Variants in EFR3B observed in about 807,000 individuals in gnomAD.
The protein encoded by EFR3B is EFR3 homolog B.
EFR3B carries 64 observed loss-of-function variants against 104.7 expected under a neutral mutation model. The ratio of observed to expected loss-of-function variants is 0.61; its 90% CI spans 0.50 to 0.75. The LOEUF is 0.75. Ranked by LOEUF, EFR3B falls within the 30% of genes least tolerant of loss-of-function variation. EFR3B has a pLI of 0.00. For synonymous variants in EFR3B, 385 were observed against 417.9 expected, an observed-to-expected ratio of 0.92 and a Z score of 0.96; for missense variants, 750 against 1,078.5, an observed-to-expected ratio of 0.70 and a Z score of 4.27.
intron 1 of EFR3B, among the ~76,000 whole-genome samples, chr2:25,070,714 C>T (rs1668469677): frequency 6.6e-6 from 1 of 152,068 alleles, no homozygotes; most frequent in African/African-American, 2.4e-5. Context: ...CAGGAATGGG[C>T]CACTGTCAAT....
At position 25,128,273 on chromosome 2, in the gene EFR3B, C is replaced by T; in HGVS notation, c.576C>T (p.His192=). 1.3e-6 allele frequency: 2 copies of T among 1,551,836 alleles called. No individual in the cohort carries two copies. The highest frequency in any genetic ancestry group is 2.4e-5 in the East Asian group (1 of 40,924). Residue 192 remains histidine, a synonymous_variant, in exon 6 of 23, where the codon CAC becomes CAT. Transcript: ENST00000403714. ...AGGCCAATATCTGGGACCCACAGCA[C>T]ATGGATAAGATCGTTCCATCACTGC... ...ELQANIWDPQ[H]MDKIVPSLLF... is the part of the protein sequence containing the mutation.
At position 25,154,447 on chromosome 2, in the gene EFR3B, C is replaced by A; in HGVS notation, c.*107C>A. On this transcript the variant is annotated 3_prime_UTR_variant, in exon 23 of 23. Coordinates refer to ENST00000403714, the MANE Select transcript of EFR3B (RefSeq NM_014971.2). The surrounding 1 kb of genome is among the most constrained non-coding windows in gnomAD (Gnocchi z 4.1). ...GGCTGTGATCTCTGAGAAAACATCA[C>A]CTTAGATGGCAGCGCCTCCCAGGCT... is the stretch of plus-strand genomic sequence containing the variant. 1 of 1,070,980 alleles carries A rather than the reference C, an allele frequency of 9.3e-7. No individual in the cohort carries two copies. The highest frequency in any genetic ancestry group is 1.4e-6 in the Non-Finnish European group (1 of 734,456). The allele number at this position is 1,070,980 out of a possible 1,614,324, so 66.3% of individuals were successfully genotyped here.
chr2:25,124,851 G>T (rs1264706000), intron 5 of EFR3B, among the ~76,000 whole-genome samples: 4 of 151,518 alleles, frequency 2.6e-5, no homozygotes, highest in Non-Finnish European at 1.5e-5. Context: ...AAGGTCAGGA[G>T]TTCAAGACCA....
At chr2:25,094,838 G>A (rs1196609790) in intron 3 of EFR3B, among the ~76,000 whole-genome samples, 2 of 151,936 alleles carry the variant, frequency 1.3e-5, no homozygotes, top group East Asian at 3.8e-4. Flanking sequence ...TACCCAGACT[G>A]GAGTGCAGTG....
rs58106803 is a variant in EFR3B at position 25,134,177 on chromosome 2, ATT to A, written c.1311+761_1311+762del. On this transcript the variant is annotated intron_variant, in intron 12 of 22. Transcript: ENST00000403714. Reference sequence around the variant, plus strand: ...TATTTCACAGTAGGTCTCAGTTTATATTTTTTTTTTTTTTTTTTTGAGATGGA... The same window carrying A: ...TATTTCACAGTAGGTCTCAGTTTATATTTTTTTTTTTTTTTTTGAGATGGA... 4.1e-3 allele frequency among the ~76,000 whole-genome samples: 565 copies of A among 138,500 alleles called. 1 individual carries two copies. Among genetic ancestry groups the A allele is most frequent in the Non-Finnish European group, 5.8e-3 (357 of 61,386 alleles). 90.9% of individuals were successfully genotyped at this position (138,500 alleles called of 152,430 possible). A position where few individuals can be genotyped will look rare whatever the true frequency, so the allele number is the denominator to read the frequency against.
At chr2:25,054,342 G>A (rs182634598) in intron 1 of EFR3B, among the ~76,000 whole-genome samples, 34 of 150,738 alleles carry the variant, frequency 2.3e-4, no homozygotes, top group African/African-American at 8.3e-4. Flanking sequence ...TTTTTTTGGA[G>A]ATGGAGTCTC....
chr2:25,061,816 CA>C (rs1270595708), intron 1 of EFR3B, among the ~76,000 whole-genome samples: 1 of 150,428 alleles, frequency 6.6e-6, no homozygotes, highest in Non-Finnish European at 1.5e-5. Context: ...AAAAAAAAAA[CA>C]AAAAACTAAT....
chr2:25,062,865 C>T (rs1668233433), intron 1 of EFR3B, among the ~76,000 whole-genome samples: 2 of 152,214 alleles, frequency 1.3e-5, no homozygotes, highest in African/African-American at 4.8e-5. Context: ...GCCTCCGGCA[C>T]TGTCTCAGCA....
Position 25,131,934 on chromosome 2 carries a change from G to A in EFR3B, c.1147+23G>A. On this transcript the variant is annotated intron_variant, in intron 10 of 22. Coordinates refer to ENST00000403714, the MANE Select transcript of EFR3B (RefSeq NM_014971.2). The surrounding 1 kb of genome is among the most constrained non-coding windows in gnomAD (Gnocchi z 7.6). ...TGGGTGCGGCGCGGGGCCGGGCCGG[G>A]GCGGGGCGGGGCCGAGGCGCGGAGT... 6.9e-7 allele frequency: 1 copy of A among 1,455,044 alleles called. No individual in the cohort carries two copies. Among genetic ancestry groups the A allele is most frequent in the South Asian group, 1.4e-5 (1 of 71,256 alleles). 90.1% of individuals were successfully genotyped at this position (1,455,044 alleles called of 1,614,324 possible). A position where few individuals can be genotyped will look rare whatever the true frequency, so the allele number is the denominator to read the frequency against.
Position 25,042,690 on chromosome 2 carries a change from G to C in EFR3B, c.7+371G>C, listed in dbSNP as rs1232993336. 1.3e-5 allele frequency: 13 copies of C among 1,010,498 alleles called. No individual in the cohort carries two copies. Among genetic ancestry groups the C allele is most frequent in the African/African-American group, 1.7e-5 (1 of 58,250 alleles). 62.6% of individuals were successfully genotyped at this position (1,010,498 alleles called of 1,614,324 possible). ...CGGTTTGTGCCTGGGAGTTTTCTGTGGGAAGCCGGTCCAGGGCTGAGGGAG... is the reference window on the plus strand; with the variant it reads ...CGGTTTGTGCCTGGGAGTTTTCTGTCGGAAGCCGGTCCAGGGCTGAGGGAG... On this transcript the variant is annotated intron_variant, in intron 1 of 22. Transcript: ENST00000403714. The surrounding 1 kb of genome is among the most constrained non-coding windows in gnomAD (Gnocchi z 5.4).
rs1022039056 is a variant in EFR3B, at chr2:25,157,560, G to A, written c.*3220G>A. Reference sequence around the variant, plus strand: ...AGGAGTCAGTAAGCCCATTGAGACCGGCTGCTCCCAAAGCCCGAGGACTCT... The same window carrying A: ...AGGAGTCAGTAAGCCCATTGAGACCAGCTGCTCCCAAAGCCCGAGGACTCT... On this transcript the variant is annotated 3_prime_UTR_variant, in exon 23 of 23. Coordinates refer to ENST00000403714, the MANE Select transcript of EFR3B (RefSeq NM_014971.2). The A allele has an allele frequency of 1.3e-5, 2 of 152,244 alleles. No homozygotes were observed. Among genetic ancestry groups the A allele is most frequent in the Non-Finnish European group, 2.9e-5 (2 of 68,090 alleles). The allele number at this position is 152,244 out of a possible 1,614,324, so 9.4% of individuals were successfully genotyped here.
intron 4 of EFR3B, among the ~76,000 whole-genome samples, chr2:25,117,180 G>A (rs1429128739): frequency 1.3e-5 from 2 of 152,184 alleles, no homozygotes; most frequent in East Asian, 1.9e-4. Flanking sequence ...GAGAGTAGGC[G>A]GGACTGCCCG....
At chr2:25,088,495 G>T (rs1669021138) in intron 1 of EFR3B, among the ~76,000 whole-genome samples, 2 of 152,072 alleles carry the variant, frequency 1.3e-5, no homozygotes, top group African/African-American at 4.8e-5. Context: ...GCCCTGCTAA[G>T]ATGTACCAAG....
intron 1 of EFR3B, chr2:25,080,147 T>A (rs1668752238): frequency 1.6e-6 from 2 of 1,280,424 alleles, no homozygotes; most frequent in Admixed American, 1.7e-5. Context: ...TCACAGTGCA[T>A]GATTCTTCAA....
At chr2:25,047,316 G>C (rs1298787130) in intron 1 of EFR3B, among the ~76,000 whole-genome samples, 1 of 151,978 alleles carries the variant, frequency 6.6e-6, no homozygotes, top group East Asian at 1.9e-4. Context: ...GCCTGGGTCT[G>C]AACCCTAGCT....
intron 1 of EFR3B, among the ~76,000 whole-genome samples, chr2:25,082,195 T>A (rs1329262937): frequency 6.6e-6 from 1 of 152,228 alleles, no homozygotes; most frequent in Non-Finnish European, 1.5e-5. Context: ...GCTGGAATTG[T>A]GGTGGAGCAT....
Position 25,158,106 on chromosome 2 carries a change from G to A in EFR3B, c.*3766G>A, listed in dbSNP as rs1451899856. 2 of 152,308 alleles carry A rather than the reference G, an allele frequency of 1.3e-5. No homozygotes were observed. The highest frequency in any genetic ancestry group is 6.5e-5 in the Admixed American group (1 of 15,286). 9.4% of individuals were successfully genotyped at this position (152,308 alleles called of 1,614,324 possible). On this transcript the variant is annotated 3_prime_UTR_variant, in exon 23 of 23. Coordinates refer to ENST00000403714, the MANE Select transcript of EFR3B (RefSeq NM_014971.2). ...CCAGGGGTTCTTCTGAACAGCTCAG[G>A]CCAGACCTCTGGGCTCCTCTGGGGG... is the stretch of plus-strand genomic sequence containing the variant.
rs1196789933 is a variant in EFR3B, at chr2:25,131,753, C to A, written c.989C>A (p.Pro330His). The A allele has an allele frequency of 6.6e-7, 1 of 1,508,304 alleles. No individual in the cohort carries two copies. The highest frequency in any genetic ancestry group is 8.9e-7 in the Non-Finnish European group (1 of 1,123,184). The allele number at this position is 1,508,304 out of a possible 1,614,324, so 93.4% of individuals were successfully genotyped here. ...AVIAATGSVG[P>H]TVLEMFNTLL... ...TGTCCCGCCCCACCGCTCTCAGGGC[C>A]CACAGTACTGGAGATGTTCAACACG... Residue 330 changes from proline (P) to histidine (H), a missense_variant, in exon 10 of 23, where the codon CCC (proline) becomes CAC (histidine). Transcript: ENST00000403714. This position sits in a 1 kb window ranked among gnomAD's most constrained non-coding sequence, Gnocchi z 7.6.
intron 5 of EFR3B, 105 bp downstream of exon 5, chr2:25,121,899 A>G (rs1670027094): frequency 6.8e-7 from 1 of 1,463,400 alleles, no homozygotes; most frequent in African/African-American, 1.4e-5. Flanking sequence ...TTTTGTTAGT[A>G]TCTGTGTCTG....
Sources: allele counts gnomAD v4.1 joint callset (sites outside exome capture counted in the v4.1 genomes callset), GRCh38; gene constraint gnomAD v4.1.1; non-coding constraint Gnocchi (gnomAD v3.1); transcripts MANE v1.5; gene names NCBI Gene and HGNC (gene_info 2026-07-23, HGNC 2026-07-21).